Variants in NDST4 observed in about 807,000 individuals in gnomAD.
NDST4 encodes N-heparan sulfate sulfotransferase 4.
NDST4 carries 63 observed loss-of-function variants against 100.8 expected under a neutral mutation model. The ratio of observed to expected loss-of-function variants is 0.62; its 90% CI spans 0.51 to 0.77. The LOEUF (loss-of-function observed/expected upper bound fraction) is 0.77, where lower values mean the gene tolerates loss of function less well. NDST4 is among the 30% of genes least tolerant of loss of function. The pLI, the probability that NDST4 is intolerant of heterozygous loss-of-function variation, is 0.00. For synonymous variants in NDST4, 377 were observed against 361.8 expected (o/e 1.04, Z -0.48); for missense variants, 943 against 1,018.4 (o/e 0.93, Z 1.01).
chr4:114,870,971 A>G (rs1182609469), intron 6 of NDST4, 21 bp from the exon 7 acceptor site: 1 of 1,583,738 alleles, frequency 6.3e-7, no homozygotes, highest in Non-Finnish European at 8.6e-7. Flanking sequence ...AATAAAAATG[A>G]CCACAAAAAT....
intron 1 of NDST4, among the ~76,000 whole-genome samples, chr4:115,084,691 G>C (rs1176910899): frequency 2.0e-5 from 3 of 152,214 alleles, no homozygotes; most frequent in Admixed American, 2.0e-4. Flanking sequence ...AGCCTTGGTG[G>C]CTTTCATGTG....
At chr4:115,103,025 TAG>T (rs148073323) in intron 1 of NDST4, among the ~76,000 whole-genome samples, 1,826 of 152,006 alleles carry the variant, frequency 0.012, 33 homozygotes, top group African/African-American at 0.042. Context: ...CTTTCTTATC[TAG>T]AGACACTTAC....
At chr4:114,949,374 G>A (rs529453632) in intron 4 of NDST4, among the ~76,000 whole-genome samples, 43 of 152,104 alleles carry the variant, frequency 2.8e-4, no homozygotes, top group African/African-American at 1.0e-3. Flanking sequence ...GTCGGATAGG[G>A]AATGGGTCCA....
chr4:114,969,434 G>A (rs946845491), intron 4 of NDST4, among the ~76,000 whole-genome samples: 2 of 151,192 alleles, frequency 1.3e-5, no homozygotes, highest in African/African-American at 2.4e-5. Flanking sequence ...CAAGCGATAA[G>A]CATAGTATCA....
Position 115,034,857 on chromosome 4 carries a change from T to C in NDST4, c.978+41202A>G, listed in dbSNP as rs1480150608. Among the ~76,000 whole-genome samples the C allele has an allele frequency of 6.6e-5, 10 of 152,148 alleles. No individual in the cohort carries two copies. In the East Asian group the frequency reaches 1.9e-3, roughly 29 times the overall value. Reference sequence around the variant, plus strand: ...AATAGGTGTCTTTATTTCAAGGATTTATCGTCAGCCTCGTCTAAACTTTCT... The same window carrying C: ...AATAGGTGTCTTTATTTCAAGGATTCATCGTCAGCCTCGTCTAAACTTTCT... On this transcript the variant is annotated intron_variant, in intron 2 of 13. Coordinates refer to ENST00000264363, the MANE Select transcript of NDST4 (RefSeq NM_022569.3).
chr4:115,049,077 A>G (rs1288924473), intron 2 of NDST4, among the ~76,000 whole-genome samples: 1 of 152,174 alleles, frequency 6.6e-6, no homozygotes, highest in Non-Finnish European at 1.5e-5. Context: ...AGGATGTTCA[A>G]TTATTTTTGT....
At chr4:115,069,014 TA>T (rs1293979004) in intron 2 of NDST4, among the ~76,000 whole-genome samples, 3 of 152,058 alleles carry the variant, frequency 2.0e-5, no homozygotes, top group African/African-American at 7.2e-5. Context: ...GGAGTTGACT[TA>T]TATACATAAA....
intron 2 of NDST4, among the ~76,000 whole-genome samples, chr4:115,026,741 C>T (rs1022795444): frequency 1.2e-4 from 19 of 152,032 alleles, no homozygotes; most frequent in African/African-American, 4.3e-4. Context: ...GAGAGATAGG[C>T]AGGCACAGCA....
intron 6 of NDST4, among the ~76,000 whole-genome samples, chr4:114,905,937 A>G (rs1724940148): frequency 6.6e-6 from 1 of 151,900 alleles, no homozygotes; most frequent in African/African-American, 2.4e-5. Flanking sequence ...ATTTATTACT[A>G]TTTCTTCCAT....
chr4:114,850,509 T>A, intron 8 of NDST4, among the ~76,000 whole-genome samples: 1 of 152,196 alleles, frequency 6.6e-6, no homozygotes, highest in East Asian at 1.9e-4. Flanking sequence ...AATTATCACC[T>A]AAATTTTTCA....
chr4:114,842,492 G>A (rs145486314), intron 10 of NDST4, among the ~76,000 whole-genome samples: 18 of 151,578 alleles, frequency 1.2e-4, no homozygotes, highest in Admixed American at 7.9e-4. Flanking sequence ...AAAGAAAAAC[G>A]ACAAAAATAC....
chr4:114,969,524 T>A (rs185967156), intron 4 of NDST4, among the ~76,000 whole-genome samples: 1 of 152,148 alleles, frequency 6.6e-6, no homozygotes, highest in Non-Finnish European at 1.5e-5. Flanking sequence ...TGTCCATGTG[T>A]ACTCAGTGTT....
In NDST4 at chr4:115,068,641, CA is replaced by C. The variant is rs368916587; in HGVS notation, c.978+7417del. ...GGCTAACACGGTGAAACCCCATCTC[CA>C]AAAAAAAAAAAAAAATACAAAAAAA... On this transcript the variant is annotated intron_variant, in intron 2 of 13. Transcript: ENST00000264363. Among the ~76,000 whole-genome samples, 519 of 138,172 alleles carry C rather than the reference CA, an allele frequency of 3.8e-3. 3 individuals are homozygous for C. The highest frequency in any genetic ancestry group is 4.0e-3 in the Non-Finnish European group (258 of 63,796). 90.6% of individuals were successfully genotyped at this position (138,172 alleles called of 152,430 possible).
chr4:114,866,471 G>A (rs897959049), intron 7 of NDST4, among the ~76,000 whole-genome samples: 11 of 152,102 alleles, frequency 7.2e-5, no homozygotes, highest in Non-Finnish European at 7.3e-5. Flanking sequence ...GCTTCTATAG[G>A]TTACTTACCA....
intron 2 of NDST4, among the ~76,000 whole-genome samples, chr4:115,012,652 A>T (rs531750645): frequency 3.3e-5 from 5 of 152,172 alleles, no homozygotes; most frequent in African/African-American, 1.2e-4. Context: ...AAAATGAAAA[A>T]TAGAACTACC....
At chr4:114,933,432 C>CTTTTTTTTTTTTTTTTTTTCTTTTT (rs1725556113) in intron 6 of NDST4, among the ~76,000 whole-genome samples, 2 of 89,248 alleles carry the variant, frequency 2.2e-5, no homozygotes, top group East Asian at 4.4e-4. Flanking sequence ...TTTTCTTTTC[C>CTTTTTTTTTTTTTTTTTTTCTTTTT]TTTTTTTTTT....
At chr4:114,921,078 A>G (rs1725276172) in intron 6 of NDST4, among the ~76,000 whole-genome samples, 1 of 152,212 alleles carries the variant, frequency 6.6e-6, no homozygotes, top group African/African-American at 2.4e-5. Flanking sequence ...AGATAAACAA[A>G]GAACTTAGTG....
At chr4:115,058,980 TACACACACAC>T (rs36080386) in intron 2 of NDST4, among the ~76,000 whole-genome samples, 1 of 148,800 alleles carries the variant, frequency 6.7e-6, no homozygotes, top group Non-Finnish European at 1.5e-5. Flanking sequence ...GTTCTGAAGC[TACACACACAC>T]ACACACACAC....
intron 2 of NDST4, among the ~76,000 whole-genome samples, chr4:114,978,276 C>A (rs1726682302): frequency 6.6e-6 from 1 of 151,876 alleles, no homozygotes; most frequent in African/African-American, 2.4e-5. Context: ...AGAGGTTAAA[C>A]AATTTTTTCC....
Sources: gnomAD v4.1 joint callset for allele counts (sites outside exome capture counted in the v4.1 genomes callset) on GRCh38, gnomAD v4.1.1 for gene constraint, MANE v1.5 for transcripts, NCBI Gene and HGNC (gene_info 2026-07-23, HGNC 2026-07-21) for gene names.